MAPRE2: variants seen among roughly 807,000 people sequenced by gnomAD.
MAPRE2 encodes the protein microtubule-associated protein RP/EB family member 2.
MAPRE2 carries 13 observed loss-of-function variants against 43.2 expected under a neutral mutation model. The observed-to-expected ratio is 0.30, with a 90% confidence interval of 0.20 to 0.48. The LOEUF is 0.48. Ranked by LOEUF, MAPRE2 falls within the 20% of genes least tolerant of loss-of-function variation. MAPRE2 has a pLI of 0.99. For missense variants in MAPRE2, 161 were observed against 400.2 expected, an observed-to-expected ratio of 0.40 and a Z score of 5.10; for synonymous variants, 135 against 148.8, an observed-to-expected ratio of 0.91 and a Z score of 0.68.
At chr18:35,097,412 G>C in intron 2 of MAPRE2, 34 bp from the exon 3 acceptor site, 1 of 1,603,798 alleles carries the variant, frequency 6.2e-7, no homozygotes, top group Non-Finnish European at 8.5e-7. Flanking sequence ...GGTACAGTGA[G>C]ACTCACTCCA....
At chr18:35,075,352 G>A (rs576420844) in intron 2 of MAPRE2, among the ~76,000 whole-genome samples, 26 of 152,228 alleles carry the variant, frequency 1.7e-4, no homozygotes, top group African/African-American at 6.0e-4. Flanking sequence ...TCCCAGCCTC[G>A]TGTGTTGTCC....
At chr18:35,041,351 C>A (rs1466412718), upstream of MAPRE2, 1 of 1,439,802 alleles carries the variant, frequency 6.9e-7, no homozygotes, top group East Asian at 2.5e-5. Flanking sequence ...CTGCTGCCGG[C>A]GCTCTGACGT....
intron 2 of MAPRE2, among the ~76,000 whole-genome samples, chr18:35,007,232 C>G (rs1472245878): frequency 6.6e-6 from 1 of 152,124 alleles, no homozygotes; most frequent in Non-Finnish European, 1.5e-5. Flanking sequence ...TGAGGCAATC[C>G]TGGTTCAAGT....
chr18:35,007,170 T>C (rs1400734300), intron 2 of MAPRE2, among the ~76,000 whole-genome samples: 1 of 152,204 alleles, frequency 6.6e-6, no homozygotes, highest in Admixed American at 6.5e-5. Flanking sequence ...CTTTGAAAAC[T>C]GATCTTGTAC....
intron 1 of MAPRE2, among the ~76,000 whole-genome samples, chr18:34,990,189 G>A (rs1042089639): frequency 7.2e-5 from 11 of 152,138 alleles, no homozygotes; most frequent in Non-Finnish European, 1.5e-4. Flanking sequence ...TTTGTTAGAG[G>A]GTCCCCTTTC....
At chr18:35,071,253 C>A (rs1221339154) in intron 2 of MAPRE2, among the ~76,000 whole-genome samples, 1 of 151,874 alleles carries the variant, frequency 6.6e-6, no homozygotes, top group Non-Finnish European at 1.5e-5. Context: ...TGGTGACTTA[C>A]GCCTGTAATC....
intron 2 of MAPRE2, among the ~76,000 whole-genome samples, chr18:35,013,592 G>T (rs2150584044): frequency 6.6e-6 from 1 of 152,126 alleles, no homozygotes; most frequent in East Asian, 1.9e-4. Context: ...AACCTACAAT[G>T]GTATAGAACA....
chr18:34,997,309 A>G (rs1358077368), intron 1 of MAPRE2, among the ~76,000 whole-genome samples: 1 of 152,182 alleles, frequency 6.6e-6, no homozygotes, highest in African/African-American at 2.4e-5. Context: ...GGGATCCTAA[A>G]GGATTTCTTA....
At chr18:35,128,506 T>C (rs1180423416) in intron 5 of MAPRE2, among the ~76,000 whole-genome samples, 1 of 152,172 alleles carries the variant, frequency 6.6e-6, no homozygotes, top group Non-Finnish European at 1.5e-5. Context: ...CTAATGCAAA[T>C]TAAAAACAGT....
chr18:35,092,203 G>A (rs978257877), intron 2 of MAPRE2, among the ~76,000 whole-genome samples: 1 of 152,146 alleles, frequency 6.6e-6, no homozygotes, highest in Non-Finnish European at 1.5e-5. Flanking sequence ...TCCAAAATTG[G>A]GGATTACAAT....
At chr18:35,102,690 G>A (rs1362213921) in intron 4 of MAPRE2, among the ~76,000 whole-genome samples, 2 of 152,118 alleles carry the variant, frequency 1.3e-5, no homozygotes, top group East Asian at 3.9e-4. Context: ...AAGTGAAGTC[G>A]TTGAGGAAAA....
chr18:35,003,669 T>G (rs972616135), intron 1 of MAPRE2, among the ~76,000 whole-genome samples: 2 of 152,242 alleles, frequency 1.3e-5, no homozygotes, highest in Non-Finnish European at 2.9e-5. Flanking sequence ...AAACCTTATG[T>G]TCCTGCTTCG....
At position 35,140,465 on chromosome 18, in the gene MAPRE2, T is replaced by C; in HGVS notation, c.*96T>C. ...GGCCCCAAGCTCAACAGAAACCAGT[T>C]GTTCCCAATCTGCCGTTACCATCAA... On this transcript the variant is annotated 3_prime_UTR_variant, in exon 7 of 7. Transcript: ENST00000300249. 1 of 1,212,290 alleles carries C rather than the reference T, an allele frequency of 8.2e-7. No homozygotes were observed. Among genetic ancestry groups the C allele is most frequent in the Non-Finnish European group, 1.2e-6 (1 of 855,490 alleles). 75.1% of individuals were successfully genotyped at this position (1,212,290 alleles called of 1,614,324 possible).
At chr18:35,086,205 A>G (rs1907868906) in intron 2 of MAPRE2, among the ~76,000 whole-genome samples, 1 of 152,044 alleles carries the variant, frequency 6.6e-6, no homozygotes, top group African/African-American at 2.4e-5. Flanking sequence ...TTTTCCACAG[A>G]TTGTGTTGCA....
intron 2 of MAPRE2, among the ~76,000 whole-genome samples, chr18:35,088,299 TG>T (rs1402324366): frequency 2.6e-5 from 4 of 152,160 alleles, no homozygotes; most frequent in Non-Finnish European, 5.9e-5. Flanking sequence ...AAGGTCACCA[TG>T]TGAAGTTCTA....
At chr18:35,063,132 C>T (rs1458904507) in intron 1 of MAPRE2, among the ~76,000 whole-genome samples, 3 of 151,832 alleles carry the variant, frequency 2.0e-5, no homozygotes. Context: ...GAGATGGAGT[C>T]TCACTCTGTC....
chr18:35,047,951 G>C (rs1905719805), intron 1 of MAPRE2, among the ~76,000 whole-genome samples: 1 of 152,104 alleles, frequency 6.6e-6, no homozygotes. Flanking sequence ...TGATTTCTAG[G>C]CCTCTCTTTG....
At chr18:35,042,595 A>G (rs1053170307) in intron 1 of MAPRE2, among the ~76,000 whole-genome samples, 4 of 152,198 alleles carry the variant, frequency 2.6e-5, no homozygotes, top group Non-Finnish European at 5.9e-5. Context: ...TATGCAGCTC[A>G]AGGCCAGACT....
chr18:35,106,460 T>C (rs532945481), intron 4 of MAPRE2, among the ~76,000 whole-genome samples: 3 of 152,144 alleles, frequency 2.0e-5, no homozygotes, highest in Admixed American at 6.6e-5. Flanking sequence ...CTGGAGTAGA[T>C]TGTCACCATG....
Sources: gnomAD v4.1 joint callset for allele counts (sites outside exome capture counted in the v4.1 genomes callset) on GRCh38, gnomAD v4.1.1 for gene constraint, MANE v1.5 for transcripts, NCBI Gene and HGNC (gene_info 2026-07-23, HGNC 2026-07-21) for gene names.